The following TRPC4 variants were observed in gnomAD, a reference collection of about 807,000 sequenced individuals.
The protein encoded by TRPC4 is short transient receptor potential channel 4.
Under a neutral mutation model 99.4 loss-of-function variants are expected in TRPC4, and 49 were observed. The ratio of observed to expected loss-of-function variants is 0.49; its 90% CI spans 0.39 to 0.63. TRPC4 has a LOEUF of 0.63. Among genes scored for constraint, TRPC4 ranks in the 20% least tolerant of loss-of-function variants. The pLI is 0.00. For missense variants in TRPC4, 898 were observed against 1,152.9 expected (o/e 0.78, Z 3.20); for synonymous variants, 454 against 425.9 (o/e 1.07, Z -0.81).
chr13:37,745,980 T>A lies in TRPC4; in HGVS notation c.854A>T (p.Asp285Val). The A allele has an allele frequency of 6.2e-7, 1 of 1,613,798 alleles. No individual in the cohort carries two copies. Among genetic ancestry groups the A allele is most frequent in the Non-Finnish European group, 8.5e-7 (1 of 1,179,774 alleles). ...AATGGCCAATTTTAGTCTTGCAAGA[T>A]CATTTCCACTTTGTTCTTCTATGAG... is the stretch of plus-strand genomic sequence containing the variant. ...NSLIEEQSGN[D>V]LARLKLAIKY... is the part of the protein sequence containing the mutation. Residue 285 changes from aspartate to valine, a missense_variant, in exon 3 of 11, where the codon GAT becomes GTT. Asp to Val is a radical substitution (Grantham distance 152). Transcript: ENST00000379705.
Position 37,746,291 on chromosome 13 carries a change from G to A in TRPC4, c.543C>T (p.Cys181=), listed in dbSNP as rs367854064. The change falls in exon 3 of 11, where the codon TGC becomes TGT. Residue 181 remains cysteine, a synonymous_variant. Transcript: ENST00000379705. ...GGCTGTCCACATCTGAACTGGACAC[G>A]CATTCCACACAGTTACAGCGGACCT... ...PHEVRCNCVE[C]VSSSDVDSLR... is the part of the protein sequence containing the mutation. 2.5e-6 allele frequency: 4 copies of A among 1,613,662 alleles called. No homozygotes were observed. The African/African-American group carries it at 5.3e-5, about 22-fold the overall frequency.
chr13:37,644,889 A>AAG (rs1323354917), intron 8 of TRPC4, among the ~76,000 whole-genome samples: 22 of 150,846 alleles, frequency 1.5e-4, no homozygotes, highest in Non-Finnish European at 3.0e-4. Context: ...AAAAAAAAAA[A>AAG]AAAGAAAGAA....
chr13:37,643,213 G>C (rs933895511), intron 8 of TRPC4, among the ~76,000 whole-genome samples: 2 of 152,122 alleles, frequency 1.3e-5, no homozygotes, highest in African/African-American at 4.8e-5. Context: ...TTTGGAATTA[G>C]AACTCTCTTA....
chr13:37,637,771 A>G (rs1951582090), intron 10 of TRPC4, 146 bp from the exon 11 acceptor site: 1 of 801,598 alleles, frequency 1.2e-6, no homozygotes, highest in Non-Finnish European at 1.9e-6. Flanking sequence ...TAGAATTCCC[A>G]GTTCTCTCAC....
intron 1 of TRPC4, among the ~76,000 whole-genome samples, chr13:37,800,768 C>G (rs1957380298): frequency 6.6e-6 from 1 of 151,664 alleles, no homozygotes; most frequent in Non-Finnish European, 1.5e-5. Flanking sequence ...AAAATATAAA[C>G]TGATATAAAC....
chr13:37,815,813 C>T (rs1343326788), intron 1 of TRPC4, among the ~76,000 whole-genome samples: 1 of 151,800 alleles, frequency 6.6e-6, no homozygotes, highest in East Asian at 1.9e-4. Context: ...AAAGAATATA[C>T]ATTCTTCTCA....
intron 2 of TRPC4, among the ~76,000 whole-genome samples, chr13:37,772,013 G>A (rs1022669685): frequency 6.6e-6 from 1 of 151,600 alleles, no homozygotes; most frequent in African/African-American, 2.4e-5. Context: ...TTCCCAAGGA[G>A]GAGAGAGAAA....
At chr13:37,652,879 A>G (rs1386770712) in intron 7 of TRPC4, among the ~76,000 whole-genome samples, 4 of 152,116 alleles carry the variant, frequency 2.6e-5, no homozygotes, top group Non-Finnish European at 5.9e-5. Flanking sequence ...ATGATTTAGG[A>G]TTTTAAGAGG....
intron 1 of TRPC4, among the ~76,000 whole-genome samples, chr13:37,843,700 A>G (rs1375596923): frequency 6.8e-6 from 1 of 147,108 alleles, no homozygotes; most frequent in Non-Finnish European, 1.5e-5. Context: ...ACACACACAC[A>G]CACACGCACA....
chr13:37,722,570 T>A (rs563603788), intron 3 of TRPC4, among the ~76,000 whole-genome samples: 38 of 152,336 alleles, frequency 2.5e-4, no homozygotes, highest in African/African-American at 9.1e-4. Flanking sequence ...AAGTTTTAAC[T>A]CTCAGGGCCA....
chr13:37,686,372 A>G (rs2138845075), intron 4 of TRPC4, among the ~76,000 whole-genome samples: 1 of 152,188 alleles, frequency 6.6e-6, no homozygotes, highest in South Asian at 2.1e-4. Flanking sequence ...CTATATACAC[A>G]TAACTGATTA....
At chr13:37,769,567 G>C (rs567648873) in intron 2 of TRPC4, among the ~76,000 whole-genome samples, 1 of 151,280 alleles carries the variant, frequency 6.6e-6, no homozygotes, top group African/African-American at 2.4e-5. Flanking sequence ...TTCAAACTTT[G>C]CTGTCTTATA....
chr13:37,842,486 T>C (rs1958772653), intron 1 of TRPC4, among the ~76,000 whole-genome samples: 2 of 152,020 alleles, frequency 1.3e-5, no homozygotes, highest in Admixed American at 6.6e-5. Flanking sequence ...GTAGCTGTTG[T>C]ATTGAAATAG....
intron 1 of TRPC4, among the ~76,000 whole-genome samples, chr13:37,808,480 GC>G (rs1280503898): frequency 6.6e-6 from 1 of 152,042 alleles, no homozygotes; most frequent in Admixed American, 6.6e-5. Flanking sequence ...GTACCACCCA[GC>G]TCCCCCTTCC....
intron 1 of TRPC4, among the ~76,000 whole-genome samples, chr13:37,834,446 T>G (rs1958506488): frequency 6.6e-6 from 1 of 152,232 alleles, no homozygotes; most frequent in African/African-American, 2.4e-5. Context: ...ATTATATTAC[T>G]GAAAGTGGGT....
intron 1 of TRPC4, among the ~76,000 whole-genome samples, chr13:37,864,194 C>G (rs1369693808): frequency 6.6e-6 from 1 of 151,652 alleles, no homozygotes; most frequent in African/African-American, 2.4e-5. Context: ...AAAGAAGTCT[C>G]TGGCTTTCTT....
intron 5 of TRPC4, among the ~76,000 whole-genome samples, chr13:37,664,349 G>A (rs1465757044): frequency 6.6e-6 from 1 of 152,110 alleles, no homozygotes; most frequent in African/African-American, 2.4e-5. Context: ...CGAAGCTGGC[G>A]AATTACCTGA....
At chr13:37,656,773 T>C (rs914776139) in intron 6 of TRPC4, among the ~76,000 whole-genome samples, 2 of 152,180 alleles carry the variant, frequency 1.3e-5, no homozygotes, top group African/African-American at 4.8e-5. Context: ...GAATTGAGGA[T>C]GAATAAGCCA....
intron 2 of TRPC4, among the ~76,000 whole-genome samples, chr13:37,769,631 A>T (rs183718320): frequency 1.3e-5 from 2 of 151,522 alleles, no homozygotes; most frequent in Admixed American, 6.6e-5. Context: ...GCTCAGGGTC[A>T]TGCTTCCTGG....
Sources: allele counts gnomAD v4.1 joint callset (sites outside exome capture counted in the v4.1 genomes callset), GRCh38; gene constraint gnomAD v4.1.1; transcripts MANE v1.5; gene names NCBI Gene and HGNC (gene_info 2026-07-23, HGNC 2026-07-21).